Variants in ANO10 observed in about 807,000 individuals in gnomAD.
The protein encoded by ANO10 is anoctamin-10.
Under a neutral mutation model 74.7 loss-of-function variants are expected in ANO10, and 77 were observed. That is an observed-to-expected ratio of 1.03 (90% CI 0.86 to 1.25). The LOEUF (loss-of-function observed/expected upper bound fraction) is 1.25, where lower values mean the gene tolerates loss of function less well. ANO10 is among the 50% of genes most tolerant of loss of function. ANO10 has a pLI of 0.00. For missense variants in ANO10, 721 were observed against 778.1 expected, an observed-to-expected ratio of 0.93 and a Z score of 0.87; for synonymous variants, 279 against 284.9, an observed-to-expected ratio of 0.98 and a Z score of 0.21.
At chr3:43,456,068 G>C (rs555336921) in intron 11 of ANO10, among the ~76,000 whole-genome samples, 2 of 152,118 alleles carry the variant, frequency 1.3e-5, no homozygotes, top group Non-Finnish European at 1.5e-5. Flanking sequence ...AAATTGACAT[G>C]CTACATTTGC....
At chr3:43,536,105 TACTTTGTAG>T (rs1330279869) in intron 11 of ANO10, among the ~76,000 whole-genome samples, 1 of 152,264 alleles carries the variant, frequency 6.6e-6, no homozygotes, top group Non-Finnish European at 1.5e-5. Flanking sequence ...TGGCTTAGGA[TACTTTGTAG>T]ATTATTTAAA....
intron 11 of ANO10, among the ~76,000 whole-genome samples, chr3:43,515,413 C>T (rs905605120): frequency 1.3e-5 from 2 of 152,210 alleles, no homozygotes; most frequent in African/African-American, 4.8e-5. Context: ...ATGGGCTCTC[C>T]TGGTTCTTGG....
intron 1 of ANO10, among the ~76,000 whole-genome samples, chr3:43,672,267 T>C (rs2084068795): frequency 1.3e-5 from 2 of 152,302 alleles, no homozygotes; most frequent in African/African-American, 4.8e-5. Context: ...TTCACGCCTG[T>C]AATCCCAGCA....
At chr3:43,540,469 T>C (rs1009611585) in intron 11 of ANO10, among the ~76,000 whole-genome samples, 5 of 152,382 alleles carry the variant, frequency 3.3e-5, no homozygotes, top group Non-Finnish European at 5.9e-5. Context: ...GTCTCATCTT[T>C]ATTCAATCTG....
At chr3:43,552,722 ATATATATGTATG>A (rs1173388840) in intron 10 of ANO10, among the ~76,000 whole-genome samples, 273 of 100,432 alleles carry the variant, frequency 2.7e-3, no homozygotes, top group Admixed American at 7.7e-3. Flanking sequence ...ATATATATAT[ATATATATGTATG>A]TATGTATGTA....
chr3:43,656,440 T>C (rs1410310699), intron 1 of ANO10, among the ~76,000 whole-genome samples: 1 of 152,178 alleles, frequency 6.6e-6, no homozygotes, highest in Non-Finnish European at 1.5e-5. Flanking sequence ...TCCTCAGCCC[T>C]TGGGTGGTTG....
chr3:43,529,495 C>T (rs2078360890), intron 11 of ANO10, among the ~76,000 whole-genome samples: 1 of 152,002 alleles, frequency 6.6e-6, no homozygotes, highest in African/African-American at 2.4e-5. Flanking sequence ...TTGAGAACTG[C>T]TATACTGAAG....
intron 1 of ANO10, among the ~76,000 whole-genome samples, chr3:43,648,796 C>T (rs2149567296): frequency 6.6e-6 from 1 of 151,912 alleles, no homozygotes; most frequent in South Asian, 2.1e-4. Context: ...TCTGCCTCAG[C>T]CTCCCGAGTA....
At chr3:43,472,966 C>A (rs2075922906) in intron 11 of ANO10, among the ~76,000 whole-genome samples, 1 of 152,022 alleles carries the variant, frequency 6.6e-6, no homozygotes, top group Non-Finnish European at 1.5e-5. Flanking sequence ...CAAATATAAG[C>A]AAAATGATAA....
At chr3:43,460,875 T>C (rs565211795) in intron 11 of ANO10, among the ~76,000 whole-genome samples, 18 of 151,290 alleles carry the variant, frequency 1.2e-4, no homozygotes, top group South Asian at 2.1e-4. Flanking sequence ...AAAGGAACAA[T>C]TGAAAGCCAG....
At chr3:43,477,450 T>C (rs1439716374) in intron 11 of ANO10, among the ~76,000 whole-genome samples, 5 of 152,102 alleles carry the variant, frequency 3.3e-5, no homozygotes, top group African/African-American at 1.2e-4. Flanking sequence ...ACTCCATCTA[T>C]TACCTTCCAT....
intron 12 of ANO10, among the ~76,000 whole-genome samples, chr3:43,422,316 C>T (rs997616225): frequency 1.3e-5 from 2 of 152,126 alleles, no homozygotes; most frequent in African/African-American, 2.4e-5. Flanking sequence ...GGGGTTTCAC[C>T]ATGTTGGTCA....
chr3:43,679,227 G>A (rs902063379), intron 1 of ANO10, among the ~76,000 whole-genome samples: 4 of 152,170 alleles, frequency 2.6e-5, no homozygotes, highest in East Asian at 1.9e-4. Context: ...CTGAAAAATC[G>A]GGTCACTCCC....
At chr3:43,592,385 C>T (rs1446078774) in intron 4 of ANO10, among the ~76,000 whole-genome samples, 1 of 152,150 alleles carries the variant, frequency 6.6e-6, no homozygotes, top group Non-Finnish European at 1.5e-5. Context: ...GCTGGGTGCC[C>T]CTCTGAGACA....
intron 11 of ANO10, among the ~76,000 whole-genome samples, chr3:43,473,627 T>C (rs1348424989): frequency 6.6e-6 from 1 of 152,232 alleles, no homozygotes; most frequent in Admixed American, 6.5e-5. Flanking sequence ...TTCCTAGACA[T>C]GCTGAAGAAA....
At chr3:43,662,319 C>T (rs747209392) in intron 1 of ANO10, among the ~76,000 whole-genome samples, 1 of 152,102 alleles carries the variant, frequency 6.6e-6, no homozygotes, top group Non-Finnish European at 1.5e-5. Flanking sequence ...GGGTACATAA[C>T]AAAATGAAGG....
chr3:43,524,704 AACAC>A (rs2149226858), intron 11 of ANO10, among the ~76,000 whole-genome samples: 1 of 152,250 alleles, frequency 6.6e-6, no homozygotes, highest in African/African-American at 2.4e-5. Flanking sequence ...CGGGACAATG[AACAC>A]ATCTGGGCTC....
rs755312828 is a variant in ANO10 at position 43,575,384 on chromosome 3, A to G, written c.1163-520T>C. 7.9e-5 allele frequency among the ~76,000 whole-genome samples: 12 copies of G among 152,300 alleles called. No homozygotes were observed. The East Asian group carries it at 2.1e-3, about 27-fold the overall frequency. On this transcript the variant is annotated intron_variant, in intron 6 of 12. Coordinates refer to ENST00000292246, the MANE Select transcript of ANO10 (RefSeq NM_018075.5). Reference sequence around the variant, plus strand: ...AAGGAAGATTCTGAAGAGAAGTGTCATCTTACACATAGAGTGTTGGACTGA... The same window carrying G: ...AAGGAAGATTCTGAAGAGAAGTGTCGTCTTACACATAGAGTGTTGGACTGA...
intron 1 of ANO10, among the ~76,000 whole-genome samples, chr3:43,673,641 T>C (rs2084086728): frequency 6.6e-6 from 1 of 152,190 alleles, no homozygotes. Context: ...AATAAAAGTT[T>C]GAAGATCTGA....
Sources: gnomAD v4.1 joint callset for allele counts (sites outside exome capture counted in the v4.1 genomes callset) on GRCh38, gnomAD v4.1.1 for gene constraint, MANE v1.5 for transcripts, NCBI Gene and HGNC (gene_info 2026-07-23, HGNC 2026-07-21) for gene names.